Variants in COBL observed in about 807,000 individuals in gnomAD.
COBL encodes the protein cordon-bleu WH2 repeat protein, also known as protein cordon-bleu.
In COBL, 51 loss-of-function variants were observed where a neutral mutation model predicts 98.8. The observed-to-expected ratio is 0.52, with a 90% CI of 0.41 to 0.65. The LOEUF is 0.65. COBL is among the 30% of genes least tolerant of loss of function. The probability of loss-of-function intolerance (pLI) is 0.00; values close to 1 mark genes in which losing one functional copy is unlikely to be tolerated. For missense variants in COBL, 1,617 were observed against 1,617.5 expected (o/e 1.00, Z 0.01); for synonymous variants, 634 against 651.7 (o/e 0.97, Z 0.41).
intron 6 of COBL, among the ~76,000 whole-genome samples, chr7:51,109,310 T>G (rs1381078156): frequency 6.6e-6 from 1 of 152,236 alleles, no homozygotes; most frequent in Non-Finnish European, 1.5e-5. Flanking sequence ...CACCACCCTG[T>G]GAGCTCCAGA....
At chr7:51,106,287 T>C (rs1796263213) in intron 6 of COBL, among the ~76,000 whole-genome samples, 2 of 151,852 alleles carry the variant, frequency 1.3e-5, no homozygotes, top group South Asian at 2.1e-4. Flanking sequence ...TGTTCCTGTA[T>C]AGTCTTAATT....
intron 1 of COBL, among the ~76,000 whole-genome samples, chr7:51,230,275 A>G (rs1027894995): frequency 2.0e-5 from 3 of 152,042 alleles, no homozygotes; most frequent in East Asian, 1.9e-4. Context: ...ACAACACCCA[A>G]TGAAGAGCTC....
At chr7:51,187,009 T>C (rs1328764678) in intron 4 of COBL, among the ~76,000 whole-genome samples, 1 of 152,204 alleles carries the variant, frequency 6.6e-6, no homozygotes, top group Non-Finnish European at 1.5e-5. Flanking sequence ...TTGAATTTAC[T>C]CTAATTTACA....
chr7:51,095,109 G>A (rs974151711), intron 6 of COBL, among the ~76,000 whole-genome samples: 2 of 152,156 alleles, frequency 1.3e-5, no homozygotes, highest in Middle Eastern at 3.2e-3. Context: ...AAGGAAGGAG[G>A]TTTAATTAAC....
chr7:51,062,469 G>A (rs1791481403), intron 7 of COBL, among the ~76,000 whole-genome samples: 1 of 152,162 alleles, frequency 6.6e-6, no homozygotes, highest in African/African-American at 2.4e-5. Flanking sequence ...CGGCTGGCCT[G>A]CTGAGACTTG....
intron 1 of COBL, among the ~76,000 whole-genome samples, chr7:51,239,827 C>T (rs2129120251): frequency 6.6e-6 from 1 of 152,250 alleles, no homozygotes; most frequent in East Asian, 1.9e-4. Flanking sequence ...AATCAAGGCA[C>T]ACGTTGTTTT....
chr7:51,245,132 G>A (rs552649879), intron 1 of COBL, among the ~76,000 whole-genome samples: 3 of 152,110 alleles, frequency 2.0e-5, no homozygotes, highest in African/African-American at 7.2e-5. Flanking sequence ...ACACTCTAAC[G>A]GACCTGATCA....
chr7:51,276,384 C>CTATGA, intron 1 of COBL, among the ~76,000 whole-genome samples: 1 of 152,170 alleles, frequency 6.6e-6, no homozygotes, highest in East Asian at 1.9e-4. Flanking sequence ...ACCTGAGCTT[C>CTATGA]TATGAAAGGA....
intron 6 of COBL, among the ~76,000 whole-genome samples, chr7:51,126,465 C>T (rs1357011428): frequency 6.6e-6 from 1 of 152,220 alleles, no homozygotes; most frequent in Non-Finnish European, 1.5e-5. Context: ...CCTTTCACAG[C>T]CTTCACTGGC....
intron 7 of COBL, among the ~76,000 whole-genome samples, chr7:51,049,658 C>T (rs1021563829): frequency 1.3e-5 from 2 of 152,128 alleles, no homozygotes; most frequent in East Asian, 1.9e-4. Flanking sequence ...CATTGGACTG[C>T]GTCTGAACAC....
chr7:51,136,036 C>T lies in COBL; in HGVS notation c.957+122G>A. Reference sequence around the variant, plus strand: ...TTTAAATAAAGCTTAAATACTTGCCCCCAACACTCCAGTCGCTACAGCCAC... The same window carrying T: ...TTTAAATAAAGCTTAAATACTTGCCTCCAACACTCCAGTCGCTACAGCCAC... On this transcript the variant is annotated intron_variant, in intron 6 of 12. Coordinates refer to ENST00000265136, the MANE Select transcript of COBL (RefSeq NM_015198.5). 11 of 1,257,672 alleles carry T rather than the reference C, an allele frequency of 8.7e-6. No homozygotes were observed. The South Asian group carries it at 9.3e-5, about 11-fold the overall frequency. The allele number at this position is 1,257,672 out of a possible 1,614,324, so 77.9% of individuals were successfully genotyped here. A position where few individuals can be genotyped will look rare whatever the true frequency, so the allele number is the denominator to read the frequency against.
chr7:51,107,879 C>A (rs767552336), intron 6 of COBL, among the ~76,000 whole-genome samples: 37 of 152,212 alleles, frequency 2.4e-4, no homozygotes, highest in Non-Finnish European at 5.0e-4. Context: ...GCATCTGCCA[C>A]TTGCAGCAAA....
At chr7:51,115,544 GT>G (rs1185880139) in intron 6 of COBL, among the ~76,000 whole-genome samples, 2 of 151,976 alleles carry the variant, frequency 1.3e-5, no homozygotes, top group Non-Finnish European at 2.9e-5. Context: ...TTAAAAGTAT[GT>G]TGTTTGCCAA....
intron 6 of COBL, among the ~76,000 whole-genome samples, chr7:51,128,873 C>T (rs1380303740): frequency 6.6e-6 from 1 of 152,238 alleles, no homozygotes; most frequent in African/African-American, 2.4e-5. Context: ...AATGGGCCTG[C>T]TTGTGCCCTT....
At chr7:51,198,871 T>G (rs943355317) in intron 2 of COBL, among the ~76,000 whole-genome samples, 2 of 152,194 alleles carry the variant, frequency 1.3e-5, no homozygotes, top group Non-Finnish European at 2.9e-5. Flanking sequence ...GGGATCCAGA[T>G]AGGAGGTTGT....
chr7:51,056,805 C>T (rs542579463), intron 7 of COBL, among the ~76,000 whole-genome samples: 222 of 118,030 alleles, frequency 1.9e-3, no homozygotes, highest in African/African-American at 7.0e-3. Context: ...GTATACAGTG[C>T]TCTCCCAACA....
chr7:51,034,383 T>G (rs1195433477), intron 8 of COBL: 1 of 152,254 alleles, frequency 6.6e-6, no homozygotes, highest in Non-Finnish European at 1.5e-5. Context: ...CTGGCATCTC[T>G]GAGAGAGGAA....
chr7:51,194,642 C>T (rs1265557452), intron 2 of COBL, among the ~76,000 whole-genome samples: 1 of 152,082 alleles, frequency 6.6e-6, no homozygotes, highest in Non-Finnish European at 1.5e-5. Flanking sequence ...TTGACTTTTT[C>T]ATGATAGCCC....
At chr7:51,041,473 C>G (rs995483362) in intron 8 of COBL, among the ~76,000 whole-genome samples, 3 of 111,034 alleles carry the variant, frequency 2.7e-5, no homozygotes, top group African/African-American at 1.0e-4. Flanking sequence ...TACCTTATTT[C>G]TTTCCTTTTT....
Sources: gnomAD v4.1 joint callset for allele counts (sites outside exome capture counted in the v4.1 genomes callset) on GRCh38, gnomAD v4.1.1 for gene constraint, MANE v1.5 for transcripts, NCBI Gene and HGNC (gene_info 2026-07-23, HGNC 2026-07-21) for gene names.